Variants in SLC25A27 observed in about 807,000 individuals in gnomAD.
The protein encoded by SLC25A27 is mitochondrial uncoupling protein 4.
A neutral mutation model predicts 49.1 loss-of-function variants in SLC25A27; 35 were observed. That is an observed-to-expected ratio of 0.71 (90% confidence interval 0.54 to 0.95). The LOEUF is 0.95. Ranked by LOEUF, SLC25A27 falls within the 40% of genes least tolerant of loss-of-function variation. The pLI, the probability that SLC25A27 is intolerant of heterozygous loss-of-function variation, is 0.00. For synonymous variants in SLC25A27, 144 were observed against 136.9 expected, an observed-to-expected ratio of 1.05 and a Z score of -0.36; for missense variants, 339 against 397.1, an observed-to-expected ratio of 0.85 and a Z score of 1.24.
At chr6:46,664,722 T>C (rs1763268197) in intron 4 of SLC25A27, 52 bp from the exon 5 acceptor site, 4 of 993,034 alleles carry the variant, frequency 4.0e-6, no homozygotes, top group Non-Finnish European at 6.0e-6. Context: ...CCAGTTGAAT[T>C]TCATACACAG....
intron 4 of SLC25A27, 144 bp from the exon 5 acceptor site, chr6:46,664,629 AT>A (rs1763265713): frequency 8.6e-6 from 4 of 462,730 alleles, no homozygotes; most frequent in Admixed American, 8.0e-5. Flanking sequence ...ACTTGCATAG[AT>A]TGCTTCATTT....
chr6:46,676,277 TA>T, intron 8 of SLC25A27, 105 bp from the exon 9 acceptor site: 1 of 1,009,450 alleles, frequency 9.9e-7, no homozygotes, highest in South Asian at 1.7e-5. Flanking sequence ...GTTTTCAGCC[TA>T]AGTGGTTGCA....
At chr6:46,655,134 A>G (rs935597268) in intron 1 of SLC25A27, among the ~76,000 whole-genome samples, 3 of 152,222 alleles carry the variant, frequency 2.0e-5, no homozygotes, top group Admixed American at 6.5e-5. Flanking sequence ...GGCGATGCAT[A>G]TAATTTAGTG....
At chr6:46,659,861 T>G (rs1462841358) in intron 3 of SLC25A27, among the ~76,000 whole-genome samples, 1 of 149,848 alleles carries the variant, frequency 6.7e-6, no homozygotes, top group Non-Finnish European at 1.5e-5. Context: ...TCTCAAAAAA[T>G]ATAAAATAAA....
rs376679951 is a variant in SLC25A27 at position 46,656,705 on chromosome 6, C to T, written c.298+671C>T. On this transcript the variant is annotated intron_variant, in intron 2 of 8. Coordinates refer to ENST00000371347, the MANE Select transcript of SLC25A27 (RefSeq NM_004277.5). ...AAGTGCTAGGATTACAGGCGTGAGCCGCCGTGCCCAGCCAGAACACATATA... is the reference window on the plus strand; with the variant it reads ...AAGTGCTAGGATTACAGGCGTGAGCTGCCGTGCCCAGCCAGAACACATATA... 3.9e-5 allele frequency among the ~76,000 whole-genome samples: 6 copies of T among 152,140 alleles called. No individual in the cohort carries two copies. The East Asian group carries it at 5.8e-4, about 15-fold the overall frequency.
At chr6:46,676,236 T>A in intron 8 of SLC25A27, 147 bp from the exon 9 acceptor site, 1 of 615,098 alleles carries the variant, frequency 1.6e-6, no homozygotes, top group East Asian at 2.8e-5. Flanking sequence ...AATTATAAAG[T>A]CCTTTACAAA....
intron 8 of SLC25A27, among the ~76,000 whole-genome samples, chr6:46,675,475 C>T (rs181617821): frequency 1.3e-5 from 2 of 152,208 alleles, no homozygotes; most frequent in Admixed American, 1.3e-4. Flanking sequence ...TTAGTGAATT[C>T]TCAGTTTACT....
intron 3 of SLC25A27, among the ~76,000 whole-genome samples, chr6:46,659,534 T>C (rs1378775909): frequency 6.6e-6 from 1 of 152,152 alleles, no homozygotes; most frequent in Non-Finnish European, 1.5e-5. Context: ...ATAATATACA[T>C]AGAGCTCCTA....
Position 46,659,889 on chromosome 6 carries a change from A to G in SLC25A27, c.383+843A>G, listed in dbSNP as rs115037458. ...AAAATAAAAATAAAAAATTGCATAT[A>G]TATATATAATTATATATATAAAATT... On this transcript the variant is annotated intron_variant, in intron 3 of 8. Transcript: ENST00000371347. Among the ~76,000 whole-genome samples the G allele has an allele frequency of 8.0e-3, 1,192 of 149,368 alleles. 9 individuals are homozygous for G. The highest frequency in any genetic ancestry group is 0.014 in the Admixed American group (210 of 14,898).
intron 1 of SLC25A27, among the ~76,000 whole-genome samples, chr6:46,655,556 T>G (rs909186106): frequency 5.0e-5 from 2 of 40,258 alleles, no homozygotes; most frequent in Non-Finnish European, 1.1e-4. Flanking sequence ...TTTTTTTTTT[T>G]TTTTTTTTTT....
chr6:46,662,394 G>A lies in SLC25A27; in HGVS notation c.402G>A (p.Gly134=), dbSNP rs571763237. Residue 134 remains glycine (G), a synonymous_variant, in exon 4 of 9, where the codon GGG becomes GGA. Transcript: ENST00000371347. ...CAATTAGGAAATCAGTCATTGGAGGGATGATGGCTGGTGTTATTGGCCAGT... is the reference window on the plus strand; with the variant it reads ...CAATTAGGAAATCAGTCATTGGAGGAATGATGGCTGGTGTTATTGGCCAGT... The part of the protein sequence containing the change: ...HYPLWKSVIG[G]MMAGVIGQFL... 239 of 1,613,968 alleles carry A rather than the reference G, an allele frequency of 1.5e-4. 2 individuals are homozygous for A. The South Asian group carries it at 2.4e-3, about 16-fold the overall frequency.
intron 7 of SLC25A27, 172 bp downstream of exon 7, chr6:46,670,399 A>G (rs1028027503): frequency 1.1e-5 from 6 of 558,556 alleles, no homozygotes; most frequent in Non-Finnish European, 1.9e-5. Flanking sequence ...AGTGACATGC[A>G]TTTGGGGAGA....
Position 46,653,138 on chromosome 6 carries a change from C to A in SLC25A27, c.-55C>A. On this transcript the variant is annotated 5_prime_UTR_variant, in exon 1 of 9. Transcript: ENST00000371347. ...CCTGGCAGGGAAGCGGCCGCCGCGG[C>A]GCGGTGCAGCGCAGCGGCGAGAAGG... The A allele has an allele frequency of 2.6e-6, 4 of 1,526,386 alleles. No individual in the cohort carries two copies. Among genetic ancestry groups the A allele is most frequent in the Non-Finnish European group, 3.6e-6 (4 of 1,110,320 alleles). The allele number at this position is 1,526,386 out of a possible 1,614,324, so 94.6% of individuals were successfully genotyped here.
intron 7 of SLC25A27, 36 bp from the exon 8 acceptor site, chr6:46,671,090 C>A: frequency 7.4e-7 from 1 of 1,347,296 alleles, no homozygotes; most frequent in South Asian, 1.3e-5. Flanking sequence ...TTTTTTTACA[C>A]AGAAAAAAAT....
At chr6:46,659,929 C>CT (rs953110974) in intron 3 of SLC25A27, among the ~76,000 whole-genome samples, 49 of 151,458 alleles carry the variant, frequency 3.2e-4, no homozygotes, top group African/African-American at 1.1e-3. Flanking sequence ...AACCTCTCAG[C>CT]TGGACCACTG....
intron 3 of SLC25A27, among the ~76,000 whole-genome samples, chr6:46,660,696 T>C (rs915301258): frequency 3.3e-5 from 5 of 152,182 alleles, no homozygotes; most frequent in African/African-American, 1.2e-4. Flanking sequence ...ATAAAATCTT[T>C]CTTAGGGTTA....
At chr6:46,657,322 G>T (rs890632913) in intron 2 of SLC25A27, among the ~76,000 whole-genome samples, 1 of 152,064 alleles carries the variant, frequency 6.6e-6, no homozygotes, top group African/African-American at 2.4e-5. Flanking sequence ...AATTAGCCGG[G>T]CCTAGTGGCG....
At chr6:46,663,488 A>G (rs1763230822) in intron 4 of SLC25A27, among the ~76,000 whole-genome samples, 1 of 152,220 alleles carries the variant, frequency 6.6e-6, no homozygotes, top group Admixed American at 6.5e-5. Context: ...AGTAGTTTAT[A>G]GAACCCCAGG....
At chr6:46,653,449 C>A in intron 1 of SLC25A27, 151 bp downstream of exon 1, 1 of 1,429,462 alleles carries the variant, frequency 7.0e-7, no homozygotes, top group Non-Finnish European at 9.1e-7. Context: ...AGGCCAGGCC[C>A]GCGGTGGGAG....
Sources: gnomAD v4.1 joint callset for allele counts (sites outside exome capture counted in the v4.1 genomes callset) on GRCh38, gnomAD v4.1.1 for gene constraint, MANE v1.5 for transcripts, NCBI Gene and HGNC (gene_info 2026-07-23, HGNC 2026-07-21) for gene names.